Variants in FRAS1 observed in about 807,000 individuals in gnomAD.
FRAS1 encodes extracellular matrix organizing protein FRAS1.
Under a neutral mutation model 435.2 loss-of-function variants are expected in FRAS1, and 290 were observed. The ratio of observed to expected loss-of-function variants is 0.67; its 90% CI spans 0.61 to 0.73. FRAS1 has a LOEUF of 0.73. Among genes scored for constraint, FRAS1 ranks in the 30% least tolerant of loss-of-function variants. FRAS1 has a pLI of 0.00. For missense variants in FRAS1, 4,860 were observed against 5,001.5 expected (o/e 0.97, Z 0.85); for synonymous variants, 1,800 against 1,851.0 (o/e 0.97, Z 0.71).
chr4:78,207,991 C>T (rs865925548), intron 2 of FRAS1, among the ~76,000 whole-genome samples: 1 of 152,116 alleles, frequency 6.6e-6, no homozygotes, highest in Non-Finnish European at 1.5e-5. Context: ...CAGGAATAAA[C>T]CAGAAAAGCC....
Position 78,085,287 on chromosome 4 carries a change from C to T in FRAS1, c.108+19271C>T, listed in dbSNP as rs140750672. Among the ~76,000 whole-genome samples the T allele has an allele frequency of 2.0e-3, 301 of 152,212 alleles. 1 individual carries two copies. Among genetic ancestry groups the T allele is most frequent in the African/African-American group, 6.6e-3 (275 of 41,558 alleles). Reference sequence around the variant, plus strand: ...TGTTCGTATGTTTAAGGGTCACTGACATTTCTTTTATGCATCGTCTGTTTA... The same window carrying T: ...TGTTCGTATGTTTAAGGGTCACTGATATTTCTTTTATGCATCGTCTGTTTA... On this transcript the variant is annotated intron_variant, in intron 2 of 73. Coordinates refer to ENST00000512123, the MANE Select transcript of FRAS1 (RefSeq NM_025074.7).
Position 78,274,184 on chromosome 4 carries a change from G to A in FRAS1, c.982-4471G>A, listed in dbSNP as rs1050104240. On this transcript the variant is annotated intron_variant, in intron 9 of 73. Coordinates refer to ENST00000512123, the MANE Select transcript of FRAS1 (RefSeq NM_025074.7). ...TATCCCCTTTATCATTTTTTATTGC[G>A]TCTATCTGATTCTTCTCTCTTTTCT... Among the ~76,000 whole-genome samples, 32 of 152,060 alleles carry A rather than the reference G, an allele frequency of 2.1e-4. 3 individuals are homozygous for A. Among genetic ancestry groups the A allele is most frequent in the African/African-American group, 5.1e-4 (21 of 41,476 alleles).
chr4:78,398,031 A>G (rs1443089820), intron 29 of FRAS1, among the ~76,000 whole-genome samples: 1 of 151,912 alleles, frequency 6.6e-6, no homozygotes, highest in East Asian at 1.9e-4. Context: ...CTGTGAAGGT[A>G]TTGTCATCTG....
intron 2 of FRAS1, among the ~76,000 whole-genome samples, chr4:78,196,479 T>G (rs1009502774): frequency 6.6e-6 from 1 of 152,238 alleles, no homozygotes; most frequent in African/African-American, 2.4e-5. Context: ...TATAAAACCT[T>G]ACTAGAGGTC....
At chr4:78,482,354 T>C in intron 57 of FRAS1, 34 bp from the exon 58 acceptor site, 1 of 1,613,338 alleles carries the variant, frequency 6.2e-7, no homozygotes, top group Non-Finnish European at 8.5e-7. Context: ...AGATGGTGGG[T>C]CCTCTGTCAA....
intron 2 of FRAS1, among the ~76,000 whole-genome samples, chr4:78,151,542 A>G (rs1242291982): frequency 6.6e-6 from 1 of 152,168 alleles, no homozygotes; most frequent in African/African-American, 2.4e-5. Context: ...AATGAAACCC[A>G]TCATTTTGGT....
At chr4:78,531,183 TG>T (rs889792238) in intron 70 of FRAS1, among the ~76,000 whole-genome samples, 18 of 152,254 alleles carry the variant, frequency 1.2e-4, no homozygotes, top group African/African-American at 4.3e-4. Flanking sequence ...TTTTGCACAT[TG>T]ATTATTTATC....
At chr4:78,385,243 T>C (rs1732176166) in intron 28 of FRAS1, among the ~76,000 whole-genome samples, 1 of 152,114 alleles carries the variant, frequency 6.6e-6, no homozygotes, top group African/African-American at 2.4e-5. Flanking sequence ...AATAGGGAAA[T>C]AGGTATATTC....
chr4:78,193,003 T>C (rs574481134), intron 2 of FRAS1, among the ~76,000 whole-genome samples: 2 of 152,348 alleles, frequency 1.3e-5, no homozygotes, highest in African/African-American at 4.8e-5. Context: ...AAAGAACATC[T>C]TTATTTCTGC....
chr4:78,421,688 G>T (rs1733792912), intron 33 of FRAS1, among the ~76,000 whole-genome samples, 175 bp from the exon 34 acceptor site: 1 of 152,198 alleles, frequency 6.6e-6, no homozygotes, highest in Admixed American at 6.5e-5. Context: ...TTGGGTTTCA[G>T]ATTTGCCCTT....
chr4:78,402,269 G>A (rs1264702646), intron 30 of FRAS1, among the ~76,000 whole-genome samples: 2 of 151,972 alleles, frequency 1.3e-5, no homozygotes, highest in African/African-American at 2.4e-5. Flanking sequence ...AGAATAATCT[G>A]TTTTTCCTCT....
chr4:78,295,399 G>A (rs993706964), intron 14 of FRAS1, among the ~76,000 whole-genome samples: 5 of 152,190 alleles, frequency 3.3e-5, no homozygotes, highest in Non-Finnish European at 7.3e-5. Context: ...CAGCACTCTT[G>A]TCAACACTAG....
intron 2 of FRAS1, among the ~76,000 whole-genome samples, chr4:78,166,081 A>T (rs946471453): frequency 6.6e-6 from 1 of 152,198 alleles, no homozygotes; most frequent in Non-Finnish European, 1.5e-5. Context: ...ACCTGTGAGT[A>T]ATCTAATTGG....
At chr4:78,182,603 C>T (rs1423724928) in intron 2 of FRAS1, among the ~76,000 whole-genome samples, 1 of 151,590 alleles carries the variant, frequency 6.6e-6, no homozygotes, top group South Asian at 2.1e-4. Flanking sequence ...AGGGGCCAGG[C>T]GCAGTGGCTC....
intron 6 of FRAS1, among the ~76,000 whole-genome samples, chr4:78,261,204 A>G (rs913518675): frequency 8.6e-5 from 13 of 151,956 alleles, no homozygotes; most frequent in Non-Finnish European, 1.6e-4. Context: ...TATTTCTACT[A>G]TCATTGGTTC....
intron 14 of FRAS1, among the ~76,000 whole-genome samples, chr4:78,288,453 G>C (rs1201230870): frequency 6.6e-6 from 1 of 152,052 alleles, no homozygotes; most frequent in Non-Finnish European, 1.5e-5. Flanking sequence ...TTTCTCCCAT[G>C]CCCGTTGTTT....
intron 20 of FRAS1, among the ~76,000 whole-genome samples, chr4:78,361,193 C>T (rs1272848432): frequency 4.6e-5 from 7 of 152,184 alleles, no homozygotes; most frequent in Non-Finnish European, 7.3e-5. Context: ...AATTTCCCTT[C>T]ACACAGCTGG....
chr4:78,220,319 A>C (rs1358553698), intron 2 of FRAS1, among the ~76,000 whole-genome samples: 4 of 152,232 alleles, frequency 2.6e-5, no homozygotes, highest in African/African-American at 9.6e-5. Flanking sequence ...AAAAATCATA[A>C]AAGTATTTTG....
chr4:78,201,836 T>C (rs928874137), intron 2 of FRAS1, among the ~76,000 whole-genome samples: 2 of 152,016 alleles, frequency 1.3e-5, no homozygotes, highest in Non-Finnish European at 1.5e-5. Flanking sequence ...TCAGTGTGAG[T>C]TGGGAGAAAA....
Sources: gnomAD v4.1 joint callset for allele counts (sites outside exome capture counted in the v4.1 genomes callset) on GRCh38, gnomAD v4.1.1 for gene constraint, MANE v1.5 for transcripts, NCBI Gene and HGNC (gene_info 2026-07-23, HGNC 2026-07-21) for gene names.